HS3ST5: variants seen among roughly 807,000 people sequenced by gnomAD.
HS3ST5 encodes the protein heparan sulfate-glucosamine 3-sulfotransferase 5, also known as heparan sulfate glucosamine 3-O-sulfotransferase 5.
A neutral mutation model predicts 25.4 loss-of-function variants in HS3ST5; 10 were observed. The ratio of observed to expected loss-of-function variants is 0.39; its 90% CI spans 0.24 to 0.67. HS3ST5 has a LOEUF of 0.67. Ranked by LOEUF, HS3ST5 falls within the 30% of genes least tolerant of loss-of-function variation. HS3ST5 has a pLI of 0.44. For synonymous variants in HS3ST5, 170 were observed against 162.4 expected, an observed-to-expected ratio of 1.05 and a Z score of -0.36; for missense variants, 324 against 420.7, an observed-to-expected ratio of 0.77 and a Z score of 2.01.
intron 1 of HS3ST5, among the ~76,000 whole-genome samples, chr6:114,308,505 T>C (rs1045914695): frequency 2.0e-5 from 3 of 152,050 alleles, no homozygotes; most frequent in Non-Finnish European, 2.9e-5. Flanking sequence ...GAGAATGGCA[T>C]GAACCCAGGA....
intron 2 of HS3ST5, among the ~76,000 whole-genome samples, chr6:114,191,684 G>T (rs1003400781): frequency 1.1e-4 from 16 of 152,114 alleles, no homozygotes; most frequent in Non-Finnish European, 2.4e-4. Flanking sequence ...GTCCGAAGCT[G>T]GGGCTTGACA....
rs527646640 is a variant in HS3ST5, at chr6:114,342,420, A to AGGCGGCGGCGGC, written c.-576_-565dup. 3.1e-5 allele frequency: 6 copies of AGGCGGCGGCGGC among 191,332 alleles called. No individual in the cohort carries two copies. The highest frequency in any genetic ancestry group is 7.3e-5 in the African/African-American group (3 of 41,190). 11.9% of individuals were successfully genotyped at this position (191,332 alleles called of 1,614,324 possible). On this transcript the variant is annotated 5_prime_UTR_variant, in exon 1 of 5. Transcript: ENST00000312719. ...TAAGACGCGAGCGGGCCCCACACGC[A>AGGCGGCGGCGGC]GGCGGCGGCGGCGGCGGCGGCGGCG...
chr6:114,329,838 C>G (rs1287994927), intron 1 of HS3ST5, among the ~76,000 whole-genome samples: 1 of 152,138 alleles, frequency 6.6e-6, no homozygotes, highest in Non-Finnish European at 1.5e-5. Flanking sequence ...ACAAATTTGG[C>G]AGCTACTCTT....
At chr6:114,256,136 C>T (rs1352897175) in intron 1 of HS3ST5, among the ~76,000 whole-genome samples, 1 of 152,082 alleles carries the variant, frequency 6.6e-6, no homozygotes, top group Non-Finnish European at 1.5e-5. Flanking sequence ...CGCCTGTAAT[C>T]CCAGCACTTT....
chr6:114,077,668 A>T (rs972376172), intron 3 of HS3ST5, among the ~76,000 whole-genome samples: 5 of 152,172 alleles, frequency 3.3e-5, no homozygotes, highest in African/African-American at 1.2e-4. Flanking sequence ...TTATAGTAAT[A>T]TTAGTTCTAT....
intron 2 of HS3ST5, among the ~76,000 whole-genome samples, chr6:114,215,866 C>T (rs1020923826): frequency 1.3e-5 from 2 of 152,110 alleles, no homozygotes; most frequent in East Asian, 1.9e-4. Context: ...TAGCTGTGAC[C>T]GCTGATGAGT....
intron 2 of HS3ST5, among the ~76,000 whole-genome samples, chr6:114,214,859 A>C (rs1244148049): frequency 1.3e-5 from 2 of 152,196 alleles, no homozygotes; most frequent in Non-Finnish European, 2.9e-5. Flanking sequence ...CCTCAGTCCC[A>C]GCATCTAGCA....
intron 2 of HS3ST5, among the ~76,000 whole-genome samples, chr6:114,174,743 C>A (rs9372389): frequency 2.0e-5 from 3 of 151,880 alleles, no homozygotes; most frequent in Admixed American, 6.6e-5. Context: ...TCCTGTAATC[C>A]CAGCACTTTG....
intron 1 of HS3ST5, among the ~76,000 whole-genome samples, chr6:114,279,480 G>A (rs571620979): frequency 4.6e-5 from 7 of 152,122 alleles, no homozygotes; most frequent in South Asian, 4.1e-4. Context: ...TAGACCATGC[G>A]GTGATGGCAT....
At chr6:114,117,886 CGTAG>C (rs1776608304) in intron 3 of HS3ST5, among the ~76,000 whole-genome samples, 1 of 151,134 alleles carries the variant, frequency 6.6e-6, no homozygotes, top group Non-Finnish European at 1.5e-5. Context: ...CTGTGGGCAA[CGTAG>C]GGAATTCAGA....
intron 1 of HS3ST5, among the ~76,000 whole-genome samples, chr6:114,321,228 A>C (rs534972213): frequency 6.6e-6 from 1 of 152,230 alleles, no homozygotes; most frequent in African/African-American, 2.4e-5. Context: ...AATACCTAGC[A>C]CAGTGCCTGA....
intron 2 of HS3ST5, among the ~76,000 whole-genome samples, chr6:114,201,923 ATCAC>A (rs2114373967): frequency 6.6e-6 from 1 of 152,102 alleles, no homozygotes; most frequent in East Asian, 1.9e-4. Context: ...TCTGTGAGAA[ATCAC>A]TCACTATCAC....
chr6:114,155,945 A>G (rs1778677759), intron 3 of HS3ST5, among the ~76,000 whole-genome samples: 1 of 152,348 alleles, frequency 6.6e-6, no homozygotes, highest in Admixed American at 6.5e-5. Context: ...GTCTGGGTGG[A>G]CCATACTGTA....
At position 114,224,693 on chromosome 6, in the gene HS3ST5, T is replaced by TACAC. The variant is rs1175531309; in HGVS notation, c.-145+3891_-145+3892insGTGT. Among the ~76,000 whole-genome samples, 4 of 113,576 alleles carry TACAC rather than the reference T, an allele frequency of 3.5e-5. 1 individual carries two copies. Among genetic ancestry groups the TACAC allele is most frequent in the Admixed American group, 2.9e-4 (3 of 10,186 alleles). The allele number at this position is 113,576 out of a possible 152,430, so 74.5% of individuals were successfully genotyped here. A position where few individuals can be genotyped will look rare whatever the true frequency, so the allele number is the denominator to read the frequency against. On this transcript the variant is annotated intron_variant, in intron 2 of 4. Transcript: ENST00000312719. Reference sequence around the variant, plus strand: ...TTTTATACATATATATATACATATATATATATACACACACACACACACACA... The same window carrying TACAC: ...TTTTATACATATATATATACATATATACACATATATACACACACACACACACACA...
intron 2 of HS3ST5, among the ~76,000 whole-genome samples, chr6:114,196,200 T>G (rs1287536141): frequency 1.3e-5 from 2 of 152,150 alleles, no homozygotes; most frequent in Non-Finnish European, 2.9e-5. Context: ...GATGAAGAAC[T>G]CCGGGTGGTA....
intron 1 of HS3ST5, among the ~76,000 whole-genome samples, chr6:114,332,592 C>T (rs1776446067): frequency 6.6e-6 from 1 of 152,060 alleles, no homozygotes; most frequent in African/African-American, 2.4e-5. Context: ...ATAATCCAGA[C>T]ACTATGCTAG....
Position 114,065,092 on chromosome 6 carries a change from GAA to G in HS3ST5, c.-32-2217_-32-2216del, listed in dbSNP as rs1773372875. Among the ~76,000 whole-genome samples, 10 of 142,468 alleles carry G rather than the reference GAA, an allele frequency of 7.0e-5. No individual in the cohort carries two copies. The South Asian group carries it at 2.1e-3, about 30-fold the overall frequency. 93.5% of individuals were successfully genotyped at this position (142,468 alleles called of 152,430 possible). A position where few individuals can be genotyped will look rare whatever the true frequency, so the allele number is the denominator to read the frequency against. On this transcript the variant is annotated intron_variant, in intron 3 of 4. Transcript: ENST00000312719. ...TTGTGTGTAAATAAAATGGGGAAGA[GAA>G]AGAGAGTGAGGTTTCTTGAGGCTTA...
intron 2 of HS3ST5, among the ~76,000 whole-genome samples, chr6:114,217,579 A>G (rs890575622): frequency 1.3e-5 from 2 of 152,220 alleles, no homozygotes; most frequent in African/African-American, 4.8e-5. Flanking sequence ...GAATAGCACA[A>G]ATGAGAACAG....
At chr6:114,169,004 G>A (rs1024731753) in intron 2 of HS3ST5, among the ~76,000 whole-genome samples, 2 of 152,012 alleles carry the variant, frequency 1.3e-5, no homozygotes, top group Non-Finnish European at 2.9e-5. Context: ...CAGAGTACAT[G>A]TTTGGCTCTA....
Sources: gnomAD v4.1 joint callset for allele counts (sites outside exome capture counted in the v4.1 genomes callset) on GRCh38, gnomAD v4.1.1 for gene constraint, MANE v1.5 for transcripts, NCBI Gene and HGNC (gene_info 2026-07-23, HGNC 2026-07-21) for gene names.